The following APP variants were observed in gnomAD, a reference collection of about 807,000 sequenced individuals.
The protein encoded by APP is amyloid beta precursor protein.
In APP, 31 loss-of-function variants were observed where a neutral mutation model predicts 101.4. The observed-to-expected ratio is 0.31, with a 90% CI of 0.23 to 0.41. The LOEUF is 0.41. Among genes scored for constraint, APP ranks in the 10% least tolerant of loss-of-function variants. The pLI, the probability that APP is intolerant of heterozygous loss-of-function variation, is 1.00. For missense variants in APP, 839 were observed against 1,003.7 expected (o/e 0.84, Z 2.22); for synonymous variants, 366 against 364.4 (o/e 1.00, Z -0.05).
At position 25,955,613 on chromosome 21, in the gene APP, T is replaced by C. The variant is rs754253641; in HGVS notation, c.1587+14A>G. The C allele has an allele frequency of 3.1e-6, 5 of 1,613,992 alleles. No homozygotes were observed. Among genetic ancestry groups the C allele is most frequent in the African/African-American group, 1.3e-5 (1 of 75,018 alleles). ...TTGTCAAAGCTGCAGAAGATGATTATACCCCACGCTTACCTGGGACCGGAT... is the reference window on the plus strand; with the variant it reads ...TTGTCAAAGCTGCAGAAGATGATTACACCCCACGCTTACCTGGGACCGGAT... On this transcript the variant is annotated intron_variant, in intron 12 of 17. Transcript: ENST00000346798.
chr21:25,964,843 A>G (rs1428157449), intron 11 of APP, among the ~76,000 whole-genome samples: 2 of 151,454 alleles, frequency 1.3e-5, no homozygotes, highest in African/African-American at 4.9e-5. Context: ...CAGGTGATCC[A>G]CCCGCCTTGG....
At chr21:26,079,862 G>A (rs944777842) in intron 3 of APP, among the ~76,000 whole-genome samples, 30 of 152,148 alleles carry the variant, frequency 2.0e-4, no homozygotes, top group African/African-American at 6.8e-4. Context: ...GGTGGCTCAC[G>A]CCTGTAATCC....
At chr21:26,062,230 A>AAC (rs55971567) in intron 3 of APP, among the ~76,000 whole-genome samples, 15,110 of 145,034 alleles carry the variant, frequency 0.1, 805 homozygotes, top group East Asian at 0.23. Context: ...CAAACAAACA[A>AAC]ACACACACAC....
intron 11 of APP, among the ~76,000 whole-genome samples, chr21:25,961,664 T>C (rs369005016): frequency 6.6e-6 from 1 of 152,230 alleles, no homozygotes; most frequent in East Asian, 1.9e-4. Flanking sequence ...GTGAGGTTTA[T>C]TTTATTATGC....
intron 1 of APP, among the ~76,000 whole-genome samples, chr21:26,169,900 C>T (rs2146412509): frequency 6.6e-6 from 1 of 152,338 alleles, no homozygotes; most frequent in African/African-American, 2.4e-5. Context: ...GAGACGCGGA[C>T]ATGCACAAAG....
At chr21:25,903,098 T>TG (rs35655516) in intron 15 of APP, among the ~76,000 whole-genome samples, 152,242 of 152,244 alleles carry the variant, frequency 1, 76,120 homozygotes, top group Middle Eastern at 1. Flanking sequence ...CCGGGCATGG[T>TG]GCTTATGCCT....
At chr21:26,054,494 T>C (rs960019568) in intron 3 of APP, among the ~76,000 whole-genome samples, 3 of 151,806 alleles carry the variant, frequency 2.0e-5, no homozygotes, top group African/African-American at 7.3e-5. Flanking sequence ...TGGATATGGG[T>C]GGAAGCAGAA....
Position 26,170,507 on chromosome 21 carries a change from G to C in APP, c.57+57C>G, listed in dbSNP as rs867662727. On this transcript the variant is annotated intron_variant, in intron 1 of 17. Coordinates refer to ENST00000346798, the MANE Select transcript of APP (RefSeq NM_000484.4). ...TTAAAGACTTGGGTTAAGGTCTTGG[G>C]GGGTATCGCGTCCCCACCGTGCAGC... 43 of 1,513,628 alleles carry C rather than the reference G, an allele frequency of 2.8e-5. 1 individual carries two copies. In the African/African-American group the frequency reaches 2.9e-4, roughly 10 times the overall value. 93.8% of individuals were successfully genotyped at this position (1,513,628 alleles called of 1,614,324 possible).
At chr21:25,968,814 GT>G (rs1330363077) in intron 11 of APP, among the ~76,000 whole-genome samples, 1 of 152,146 alleles carries the variant, frequency 6.6e-6, no homozygotes, top group Middle Eastern at 3.2e-3. Flanking sequence ...TTTGTTAAGG[GT>G]TAGACAGGTA....
chr21:25,992,788 T>C (rs1247394253), intron 8 of APP, among the ~76,000 whole-genome samples: 3 of 152,212 alleles, frequency 2.0e-5, no homozygotes, highest in Non-Finnish European at 4.4e-5. Flanking sequence ...TGCTTTAAAA[T>C]TGTTCTCCCT....
chr21:25,900,797 C>G (rs1016650464), intron 15 of APP, among the ~76,000 whole-genome samples: 4 of 150,352 alleles, frequency 2.7e-5, no homozygotes, highest in African/African-American at 7.4e-5. Context: ...GTCAAGAGAT[C>G]AAGACCATGG....
intron 3 of APP, among the ~76,000 whole-genome samples, chr21:26,065,423 T>C (rs2046419612): frequency 6.6e-6 from 1 of 151,998 alleles, no homozygotes; most frequent in Non-Finnish European, 1.5e-5. Flanking sequence ...TTGGTTTGAC[T>C]TTTTTTTAGA....
chr21:25,914,714 C>T (rs1228702255), intron 13 of APP, among the ~76,000 whole-genome samples: 7 of 152,034 alleles, frequency 4.6e-5, no homozygotes, highest in East Asian at 1.9e-4. Context: ...CCACCACGCC[C>T]GGCTAATTTT....
At chr21:26,072,464 A>C (rs942112973) in intron 3 of APP, among the ~76,000 whole-genome samples, 4 of 152,192 alleles carry the variant, frequency 2.6e-5, no homozygotes, top group Non-Finnish European at 5.9e-5. Flanking sequence ...TTTTGCAAAA[A>C]ATATATTTAA....
intron 2 of APP, among the ~76,000 whole-genome samples, chr21:26,104,425 A>G (rs1341467421): frequency 6.6e-6 from 1 of 152,198 alleles, no homozygotes; most frequent in African/African-American, 2.4e-5. Flanking sequence ...CGATTGGGAA[A>G]GAGGAAAGAA....
intron 11 of APP, among the ~76,000 whole-genome samples, chr21:25,969,922 A>AAAAGGAAAGGAAAGTAAAGGAAAGG (rs2041960124): frequency 7.4e-6 from 1 of 135,924 alleles, no homozygotes; most frequent in African/African-American, 2.9e-5. Context: ...AGGGGAAGAG[A>AAAAGGAAAGGAAAGTAAAGGAAAGG]AAAGGAAAGG....
chr21:25,914,845 A>G (rs911859231), intron 13 of APP, among the ~76,000 whole-genome samples: 10 of 151,958 alleles, frequency 6.6e-5, no homozygotes, highest in Non-Finnish European at 8.8e-5. Flanking sequence ...GAGCCACTGC[A>G]CCCGGCTTGA....
chr21:26,101,344 G>A (rs1568975449), intron 2 of APP, among the ~76,000 whole-genome samples: 1 of 151,964 alleles, frequency 6.6e-6, no homozygotes, highest in Non-Finnish European at 1.5e-5. Context: ...TCACCAGCCC[G>A]ACTCGGCCTC....
intron 1 of APP, chr21:26,169,531 T>C (rs1216397489): frequency 6.5e-6 from 1 of 153,032 alleles, no homozygotes; most frequent in African/African-American, 2.4e-5. Context: ...TCCGCCTTAT[T>C]TCCTCCCCGC....
Sources: gnomAD v4.1 joint callset for allele counts (sites outside exome capture counted in the v4.1 genomes callset) on GRCh38, gnomAD v4.1.1 for gene constraint, MANE v1.5 for transcripts, NCBI Gene and HGNC (gene_info 2026-07-23, HGNC 2026-07-21) for gene names.